The following SYNPR variants were observed in gnomAD, a reference collection of about 807,000 sequenced individuals.
SYNPR encodes the protein synaptoporin.
A neutral mutation model predicts 32.9 loss-of-function variants in SYNPR; 23 were observed. The observed-to-expected ratio is 0.70, with a 90% confidence interval of 0.50 to 0.99. The LOEUF is 0.99. Among genes scored for constraint, SYNPR ranks in the 50% least tolerant of loss-of-function variants. The pLI is 0.00. For missense variants in SYNPR, 318 were observed against 349.3 expected (o/e 0.91, Z 0.71); for synonymous variants, 146 against 135.9 (o/e 1.07, Z -0.52).
intron 3 of SYNPR, chr3:63,550,014 C>G (rs1702474171): frequency 6.6e-6 from 1 of 152,060 alleles, no homozygotes. Context: ...CGACTAGTTC[C>G]TCACAAGATC....
chr3:63,442,251 C>CGAGA (rs10537945), intron 2 of SYNPR, among the ~76,000 whole-genome samples: 20,347 of 150,084 alleles, frequency 0.14, 1,450 homozygotes, highest in Middle Eastern at 0.18. Context: ...GGAAGGAAAG[C>CGAGA]GAGAGAGAGA....
intron 2 of SYNPR, among the ~76,000 whole-genome samples, chr3:63,320,029 G>A (rs1007000930): frequency 6.6e-5 from 10 of 151,950 alleles, no homozygotes; most frequent in Non-Finnish European, 1.0e-4. Flanking sequence ...GGTTCACTGC[G>A]GCCTCAAACT....
chr3:63,553,547 G>A (rs1178382946), intron 3 of SYNPR, among the ~76,000 whole-genome samples: 1 of 152,104 alleles, frequency 6.6e-6, no homozygotes, highest in East Asian at 1.9e-4. Context: ...GTGCATAAGT[G>A]TTCCCTTTTC....
chr3:63,538,459 C>A (rs545575951), intron 3 of SYNPR, among the ~76,000 whole-genome samples: 1 of 151,790 alleles, frequency 6.6e-6, no homozygotes, highest in Admixed American at 6.6e-5. Flanking sequence ...TTCTTCCTCC[C>A]CTTCCTCCAA....
chr3:63,584,391 G>C (rs914040366), intron 4 of SYNPR, among the ~76,000 whole-genome samples: 1 of 152,076 alleles, frequency 6.6e-6, no homozygotes, highest in African/African-American at 2.4e-5. Flanking sequence ...AAGTAGTGGA[G>C]GGAGGAAGTG....
At chr3:63,556,859 T>C in intron 4 of SYNPR, 118 bp downstream of exon 4, 1 of 979,514 alleles carries the variant, frequency 1.0e-6, no homozygotes, top group Non-Finnish European at 1.4e-6. Context: ...GGAAATCACA[T>C]TCTTTTTTAT....
rs532005626 is a variant in SYNPR at position 63,593,476 on chromosome 3, G to A, written c.409-15649G>A. 6.6e-5 allele frequency among the ~76,000 whole-genome samples: 10 copies of A among 152,232 alleles called. 1 individual carries two copies. The South Asian group carries it at 2.1e-3, about 32-fold the overall frequency. On this transcript the variant is annotated intron_variant, in intron 4 of 5. Coordinates refer to ENST00000478300, the MANE Select transcript of SYNPR (RefSeq NM_001130003.2). ...TGCCTGTAACTGAAATAAAGAGAGA[G>A]ATGCAGGGGATCTAAAAATCTTCTT... is the stretch of plus-strand genomic sequence containing the variant.
At chr3:63,588,112 T>C (rs1703223979) in intron 4 of SYNPR, among the ~76,000 whole-genome samples, 1 of 152,148 alleles carries the variant, frequency 6.6e-6, no homozygotes, top group Admixed American at 6.6e-5. Flanking sequence ...TTTGTTGTGT[T>C]ATCTGTTTTT....
intron 2 of SYNPR, among the ~76,000 whole-genome samples, chr3:63,459,632 A>C (rs1435401004): frequency 6.6e-6 from 1 of 152,134 alleles, no homozygotes; most frequent in Non-Finnish European, 1.5e-5. Context: ...TATTTCATTG[A>C]ATTAAATCTC....
chr3:63,252,563 C>T (rs1033110978), exon 2 of SYNPR: 1 of 152,142 alleles, frequency 6.6e-6, no homozygotes, highest in African/African-American at 2.4e-5. Flanking sequence ...TAAGCGTGGA[C>T]ATGCAACTTC....
chr3:63,429,752 C>A (rs1309587099), intron 2 of SYNPR, among the ~76,000 whole-genome samples: 5 of 152,160 alleles, frequency 3.3e-5, no homozygotes, highest in African/African-American at 1.2e-4. Context: ...GGTTTCTTTG[C>A]CCTTATGTAA....
chr3:63,328,876 C>A (rs1429376570), intron 2 of SYNPR, among the ~76,000 whole-genome samples: 1 of 152,066 alleles, frequency 6.6e-6, no homozygotes, highest in African/African-American at 2.4e-5. Context: ...GAGGTCAGGA[C>A]CTGTTTTCTC....
intron 2 of SYNPR, among the ~76,000 whole-genome samples, chr3:63,397,752 T>G (rs1460545371): frequency 1.3e-5 from 2 of 152,166 alleles, no homozygotes; most frequent in Non-Finnish European, 2.9e-5. Context: ...TCAGTTACTT[T>G]CTCTATAAAA....
chr3:63,319,987 T>A (rs2087091149), intron 2 of SYNPR, among the ~76,000 whole-genome samples: 1 of 152,034 alleles, frequency 6.6e-6, no homozygotes, highest in African/African-American at 2.4e-5. Context: ...TCTTGCCCTG[T>A]CACCCGGGCT....
chr3:63,508,451 A>T (rs1458027675), intron 3 of SYNPR, among the ~76,000 whole-genome samples: 2 of 152,134 alleles, frequency 1.3e-5, no homozygotes, highest in Admixed American at 1.3e-4. Context: ...GACTCAGGTG[A>T]TGTAAGGTGA....
At chr3:63,202,560 C>T in the SYNPR span, among the ~76,000 whole-genome samples, 2 of 151,414 alleles carry the variant, frequency 1.3e-5, no homozygotes, top group South Asian at 4.2e-4. Flanking sequence ...GGTAGAATTT[C>T]CTGGCTCCAA....
intron 2 of SYNPR, among the ~76,000 whole-genome samples, chr3:63,451,894 A>T (rs1700385882): frequency 6.6e-6 from 1 of 152,002 alleles, no homozygotes; most frequent in African/African-American, 2.4e-5. Flanking sequence ...TTTGAAGACC[A>T]TTATCTGCTG....
chr3:63,339,944 A>G (rs1181006186), intron 2 of SYNPR, among the ~76,000 whole-genome samples: 1 of 152,206 alleles, frequency 6.6e-6, no homozygotes, highest in African/African-American at 2.4e-5. Context: ...GGCGTGAGCC[A>G]CCATGCCAAG....
chr3:63,414,081 T>C (rs1234822787), intron 2 of SYNPR, among the ~76,000 whole-genome samples: 5 of 151,744 alleles, frequency 3.3e-5, no homozygotes, highest in Admixed American at 3.3e-4. Flanking sequence ...CTGGTTGTTC[T>C]TTCTCAGGCA....
Sources: allele counts gnomAD v4.1 joint callset (sites outside exome capture counted in the v4.1 genomes callset), GRCh38; gene constraint gnomAD v4.1.1; transcripts MANE v1.5; gene names NCBI Gene and HGNC (gene_info 2026-07-23, HGNC 2026-07-21).